The following GRIN2A variants were observed in gnomAD, a reference collection of about 807,000 sequenced individuals.
GRIN2A encodes the protein glutamate ionotropic receptor NMDA type subunit 2A.
In GRIN2A, 22 loss-of-function variants were observed where a neutral mutation model predicts 113.4. The ratio of observed to expected loss-of-function variants is 0.19; its 90% CI spans 0.14 to 0.28. The LOEUF (loss-of-function observed/expected upper bound fraction) is 0.28, where lower values mean the gene tolerates loss of function less well. Ranked by LOEUF, GRIN2A falls within the 10% of genes least tolerant of loss-of-function variation. The pLI, the probability that GRIN2A is intolerant of heterozygous loss-of-function variation, is 1.00. For synonymous variants in GRIN2A, 827 were observed against 738.4 expected, an observed-to-expected ratio of 1.12 and a Z score of -1.94; for missense variants, 1,502 against 1,887.0, an observed-to-expected ratio of 0.80 and a Z score of 3.78.
At chr16:10,130,771 T>C (rs2049044969) in intron 2 of GRIN2A, among the ~76,000 whole-genome samples, 1 of 152,176 alleles carries the variant, frequency 6.6e-6, no homozygotes, top group African/African-American at 2.4e-5. Flanking sequence ...TGTCATGTCT[T>C]CATTAAGGGA....
At chr16:9,899,086 G>T (rs1347904421) in intron 3 of GRIN2A, among the ~76,000 whole-genome samples, 2 of 151,936 alleles carry the variant, frequency 1.3e-5, no homozygotes, top group African/African-American at 2.4e-5. Context: ...CTCATTGGTG[G>T]TTTCCTGTTC....
chr16:10,138,395 A>G (rs1452567942), intron 2 of GRIN2A, among the ~76,000 whole-genome samples: 1 of 152,242 alleles, frequency 6.6e-6, no homozygotes, highest in Non-Finnish European at 1.5e-5. Flanking sequence ...GAAACTTACA[A>G]TCATGGTGGA....
At chr16:10,112,589 C>T in intron 2 of GRIN2A, 1 of 770,010 alleles carries the variant, frequency 1.3e-6, no homozygotes, top group African/African-American at 1.7e-5. Flanking sequence ...TCTTCTCAGA[C>T]AGGGTGCAGC....
intron 2 of GRIN2A, among the ~76,000 whole-genome samples, chr16:10,024,526 G>C (rs766313182): frequency 6.6e-6 from 1 of 152,166 alleles, no homozygotes; most frequent in Non-Finnish European, 1.5e-5. Flanking sequence ...CCAATGTCAC[G>C]CACAGTTTTA....
chr16:9,832,852 G>A (rs2042520344), intron 8 of GRIN2A, among the ~76,000 whole-genome samples: 1 of 152,106 alleles, frequency 6.6e-6, no homozygotes, highest in African/African-American at 2.4e-5. Flanking sequence ...GATTGAAGAT[G>A]GTTTATGTGG....
chr16:9,952,606 C>T (rs1414546164), intron 2 of GRIN2A, among the ~76,000 whole-genome samples: 1 of 152,086 alleles, frequency 6.6e-6, no homozygotes, highest in Non-Finnish European at 1.5e-5. Context: ...TTCCATATAA[C>T]TCATATGATT....
At chr16:10,168,351 G>A (rs1198805234) in intron 2 of GRIN2A, among the ~76,000 whole-genome samples, 4 of 152,208 alleles carry the variant, frequency 2.6e-5, no homozygotes, top group Non-Finnish European at 5.9e-5. Context: ...AATTTATACT[G>A]AATTACTCAC....
intron 2 of GRIN2A, among the ~76,000 whole-genome samples, chr16:10,068,877 G>C (rs944979362): frequency 6.6e-6 from 1 of 152,174 alleles, no homozygotes; most frequent in African/African-American, 2.4e-5. Flanking sequence ...GCTGGTTCCA[G>C]ACAGAGAGAA....
intron 2 of GRIN2A, among the ~76,000 whole-genome samples, chr16:9,971,259 T>A (rs1886047335): frequency 6.6e-6 from 1 of 152,210 alleles, no homozygotes; most frequent in South Asian, 2.1e-4. Context: ...AGCTTCCACT[T>A]CTTCCCTGAT....
chr16:9,786,481 G>A (rs1902238070), intron 11 of GRIN2A, among the ~76,000 whole-genome samples: 1 of 152,024 alleles, frequency 6.6e-6, no homozygotes, highest in South Asian at 2.1e-4. Context: ...CTAAACTTCT[G>A]TCGCAAAGTG....
intron 2 of GRIN2A, among the ~76,000 whole-genome samples, chr16:10,165,185 C>T (rs2049887008): frequency 6.6e-6 from 1 of 151,878 alleles, no homozygotes; most frequent in African/African-American, 2.4e-5. Context: ...CATGAGATAT[C>T]CACAGAATAG....
chr16:10,055,998 T>C (rs1050895071), intron 2 of GRIN2A, among the ~76,000 whole-genome samples: 1 of 152,150 alleles, frequency 6.6e-6, no homozygotes, highest in African/African-American at 2.4e-5. Context: ...AGGCTGGATA[T>C]TGCACCAAAT....
intron 2 of GRIN2A, among the ~76,000 whole-genome samples, chr16:10,082,681 G>C (rs2048007196): frequency 6.6e-6 from 1 of 152,176 alleles, no homozygotes; most frequent in Admixed American, 6.5e-5. Flanking sequence ...TTTGAAGAAG[G>C]AGGCCTCTTT....
chr16:9,927,240 C>T (rs752636191), intron 3 of GRIN2A, among the ~76,000 whole-genome samples: 62 of 152,172 alleles, frequency 4.1e-4, no homozygotes, highest in Non-Finnish European at 8.1e-4. Flanking sequence ...ACCCCATTCC[C>T]AGCTCCAGGA....
chr16:9,942,189 C>G (rs1306915000), intron 2 of GRIN2A, among the ~76,000 whole-genome samples: 1 of 152,124 alleles, frequency 6.6e-6, no homozygotes, highest in Admixed American at 6.5e-5. Flanking sequence ...CTGGTTGAAA[C>G]TCTTAAAGCA....
At chr16:9,835,465 T>C (rs1479634426) in intron 7 of GRIN2A, among the ~76,000 whole-genome samples, 1 of 152,180 alleles carries the variant, frequency 6.6e-6, no homozygotes, top group East Asian at 1.9e-4. Context: ...ATATGAAAAT[T>C]AGCTGACTGC....
intron 11 of GRIN2A, among the ~76,000 whole-genome samples, chr16:9,775,991 A>C (rs1238293454): frequency 6.6e-6 from 1 of 152,340 alleles, no homozygotes; most frequent in African/African-American, 2.4e-5. Context: ...CTGATTTCAG[A>C]GTCAGACAGA....
intron 2 of GRIN2A, among the ~76,000 whole-genome samples, chr16:10,106,212 G>GTTT (rs71402429): frequency 2.1e-5 from 3 of 140,954 alleles, no homozygotes; most frequent in Admixed American, 7.1e-5. Context: ...TTGGGGAAGT[G>GTTT]TTTTTTTTTT....
intron 2 of GRIN2A, among the ~76,000 whole-genome samples, chr16:9,999,079 T>G (rs1042260029): frequency 6.6e-6 from 1 of 152,130 alleles, no homozygotes; most frequent in Non-Finnish European, 1.5e-5. Context: ...AAGTGTAGTA[T>G]TTTCCTCCAA....
Sources: allele counts gnomAD v4.1 joint callset (sites outside exome capture counted in the v4.1 genomes callset), GRCh38; gene constraint gnomAD v4.1.1; transcripts MANE v1.5; gene names NCBI Gene and HGNC (gene_info 2026-07-23, HGNC 2026-07-21).